The following RGS7 variants were observed in gnomAD, a reference collection of about 807,000 sequenced individuals.
RGS7 encodes regulator of G-protein signaling 7.
RGS7 carries 27 observed loss-of-function variants against 81.1 expected under a neutral mutation model. That is an observed-to-expected ratio of 0.33 (90% CI 0.25 to 0.46). The LOEUF is 0.46. Among genes scored for constraint, RGS7 ranks in the 20% least tolerant of loss-of-function variants. RGS7 has a pLI of 1.00. For synonymous variants in RGS7, 208 were observed against 207.7 expected, an observed-to-expected ratio of 1.00 and a Z score of -0.01; for missense variants, 396 against 607.4, an observed-to-expected ratio of 0.65 and a Z score of 3.66.
At chr1:241,105,057 A>C (rs1572709644) in intron 2 of RGS7, among the ~76,000 whole-genome samples, 2 of 152,212 alleles carry the variant, frequency 1.3e-5, no homozygotes, top group Admixed American at 6.5e-5. Flanking sequence ...AGCATCAGAA[A>C]TAGTGACACA....
chr1:240,973,631 C>T (rs1683609171), intron 4 of RGS7, among the ~76,000 whole-genome samples: 3 of 151,946 alleles, frequency 2.0e-5, no homozygotes, highest in Non-Finnish European at 4.4e-5. Flanking sequence ...GCTCTGTTGC[C>T]CAGGCTGGAG....
At chr1:240,890,636 C>T (rs1668143789) in intron 6 of RGS7, among the ~76,000 whole-genome samples, 3 of 152,024 alleles carry the variant, frequency 2.0e-5, no homozygotes, top group Admixed American at 6.5e-5. Context: ...TAGCATTTGC[C>T]ATGTGCCAGG....
At position 241,349,333 on chromosome 1, in the gene RGS7, G is replaced by A. The variant is rs186935447; in HGVS notation, c.78+6366C>T. 4.1e-3 allele frequency among the ~76,000 whole-genome samples: 619 copies of A among 152,208 alleles called. 3 individuals carry two copies. Among genetic ancestry groups the A allele is most frequent in the Admixed American group, 0.013 (200 of 15,290 alleles). ...ACTTTTACTTGTCAATCACCAGAAA[G>A]GACCAAAGAAGACTCTCAAACTTTT... On this transcript the variant is annotated intron_variant, in intron 2 of 18. Coordinates refer to ENST00000440928, the MANE Select transcript of RGS7 (RefSeq NM_001364886.1).
At chr1:241,340,699 T>C (rs1286777980) in intron 2 of RGS7, among the ~76,000 whole-genome samples, 3 of 151,640 alleles carry the variant, frequency 2.0e-5, no homozygotes, top group Non-Finnish European at 1.5e-5. Flanking sequence ...AAGATAAGAA[T>C]AAGCAAAAGA....
At chr1:241,267,526 G>A (rs959171604) in intron 2 of RGS7, among the ~76,000 whole-genome samples, 4 of 152,128 alleles carry the variant, frequency 2.6e-5, no homozygotes, top group African/African-American at 9.7e-5. Flanking sequence ...CCCTCTGGAA[G>A]TGCATATTCT....
At chr1:241,113,959 T>C (rs2065708766) in intron 2 of RGS7, among the ~76,000 whole-genome samples, 1 of 152,194 alleles carries the variant, frequency 6.6e-6, no homozygotes, top group South Asian at 2.1e-4. Flanking sequence ...GTCTTATTTC[T>C]TTTGTTCTCT....
chr1:241,027,036 TAA>T (rs35885080), intron 3 of RGS7, among the ~76,000 whole-genome samples: 20 of 137,540 alleles, frequency 1.5e-4, no homozygotes, highest in Admixed American at 2.2e-4. Flanking sequence ...TACCAGAAAT[TAA>T]AAAAAAAAAA....
intron 2 of RGS7, among the ~76,000 whole-genome samples, chr1:241,134,956 G>A (rs1357592691): frequency 6.6e-6 from 1 of 150,410 alleles, no homozygotes; most frequent in East Asian, 2.2e-4. Context: ...CACCTACCCT[G>A]GCCGGAAGAC....
At chr1:240,881,519 T>C (rs1331961808) in intron 6 of RGS7, among the ~76,000 whole-genome samples, 2 of 152,224 alleles carry the variant, frequency 1.3e-5, no homozygotes, top group African/African-American at 4.8e-5. Context: ...AAGCAGGGTT[T>C]TCAAAATAAT....
intron 2 of RGS7, among the ~76,000 whole-genome samples, chr1:241,330,827 G>A (rs1383429985): frequency 6.6e-6 from 1 of 151,988 alleles, no homozygotes; most frequent in Non-Finnish European, 1.5e-5. Flanking sequence ...CTACCTATTG[G>A]GTACTATGTT....
chr1:240,970,858 A>C (rs1040747453), intron 4 of RGS7, among the ~76,000 whole-genome samples: 3 of 152,122 alleles, frequency 2.0e-5, no homozygotes, highest in Non-Finnish European at 4.4e-5. Context: ...GTGCCCTTGT[A>C]ATCCCAGCTA....
At position 241,271,018 on chromosome 1, in the gene RGS7, A is replaced by G. The variant is rs1377583993; in HGVS notation, c.78+84681T>C. On this transcript the variant is annotated intron_variant, in intron 2 of 18. Coordinates refer to ENST00000440928, the MANE Select transcript of RGS7 (RefSeq NM_001364886.1). This position sits in a 1 kb window ranked among gnomAD's most constrained non-coding sequence, Gnocchi z 4.6. ...GTGATCCGCCCGTCTCAGCCTCCCA[A>G]AGTGCTGGGATTCCAGGTCCCATCC... Among the ~76,000 whole-genome samples the G allele has an allele frequency of 2.6e-5, 4 of 151,982 alleles. No homozygotes were observed. Among genetic ancestry groups the G allele is most frequent in the African/African-American group, 9.7e-5 (4 of 41,374 alleles).
chr1:240,900,762 G>A (rs566577307), intron 6 of RGS7, among the ~76,000 whole-genome samples: 2 of 152,294 alleles, frequency 1.3e-5, no homozygotes, highest in South Asian at 4.1e-4. Flanking sequence ...TGAGGAGGCG[G>A]TCTGTCCATT....
At chr1:240,831,810 T>C (rs1177306963) in intron 9 of RGS7, among the ~76,000 whole-genome samples, 1 of 152,074 alleles carries the variant, frequency 6.6e-6, no homozygotes, top group Non-Finnish European at 1.5e-5. Flanking sequence ...TAATTTTTTG[T>C]ATTTTTAGTA....
chr1:241,127,705 TA>T (rs2066770501), intron 2 of RGS7, among the ~76,000 whole-genome samples: 1 of 151,972 alleles, frequency 6.6e-6, no homozygotes, highest in Non-Finnish European at 1.5e-5. Context: ...TAATAAAATT[TA>T]AAAAAAGAAT....
chr1:240,900,734 G>A (rs71648635), intron 6 of RGS7, among the ~76,000 whole-genome samples: 19,525 of 152,202 alleles, frequency 0.13, 1,369 homozygotes, highest in Middle Eastern at 0.18. Flanking sequence ...TAGGCTACTC[G>A]GGGGTCAGGG....
chr1:241,220,943 G>C, intron 2 of RGS7, among the ~76,000 whole-genome samples: 2 of 137,770 alleles, frequency 1.5e-5, no homozygotes, highest in African/African-American at 5.5e-5. Flanking sequence ...AGGAAGGAAG[G>C]AAGAAGCAAG....
At chr1:241,244,298 G>C (rs955053075) in intron 2 of RGS7, among the ~76,000 whole-genome samples, 9 of 152,086 alleles carry the variant, frequency 5.9e-5, no homozygotes, top group Non-Finnish European at 1.2e-4. Flanking sequence ...GTGGGCAAAG[G>C]ATATGAACAG....
At chr1:241,030,373 T>TATATATATATACACACACAC (rs374223475) in intron 3 of RGS7, among the ~76,000 whole-genome samples, 3 of 135,186 alleles carry the variant, frequency 2.2e-5, no homozygotes, top group African/African-American at 8.5e-5. Context: ...TATATATATA[T>TATATATATATACACACACAC]ACATACACAC....
Sources: allele counts gnomAD v4.1 joint callset (sites outside exome capture counted in the v4.1 genomes callset), GRCh38; gene constraint gnomAD v4.1.1; non-coding constraint Gnocchi (gnomAD v3.1); transcripts MANE v1.5; gene names NCBI Gene and HGNC (gene_info 2026-07-23, HGNC 2026-07-21).